ATG16L1: variants seen among roughly 807,000 people sequenced by gnomAD.
ATG16L1 encodes autophagy related 16 like 1, also known as autophagy-related protein 16-1.
In ATG16L1, 37 loss-of-function variants were observed where a neutral mutation model predicts 88.5. The observed-to-expected ratio is 0.42, with a 90% confidence interval of 0.32 to 0.55. The LOEUF is 0.55. ATG16L1 is among the 20% of genes least tolerant of loss of function. ATG16L1 has a pLI of 0.13. For missense variants in ATG16L1, 554 were observed against 752.8 expected (o/e 0.74, Z 3.09); for synonymous variants, 301 against 281.0 (o/e 1.07, Z -0.71).
chr2:233,274,909 G>C, intron 9 of ATG16L1, 131 bp downstream of exon 9: 1 of 594,720 alleles, frequency 1.7e-6, no homozygotes, highest in South Asian at 2.8e-5. Flanking sequence ...CCACCTTTTG[G>C]CTCTGTCAGC....
intron 8 of ATG16L1, chr2:233,274,070 C>T (rs777534666): frequency 1.9e-6 from 3 of 1,541,844 alleles, no homozygotes; most frequent in African/African-American, 2.7e-5. Flanking sequence ...CTTAGTCCAG[C>T]ATGTGAGTGT....
At chr2:233,258,001 C>CA (rs57141358) in intron 2 of ATG16L1, among the ~76,000 whole-genome samples, 10,143 of 88,676 alleles carry the variant, frequency 0.11, 570 homozygotes, top group South Asian at 0.2. Flanking sequence ...GACTCCGTCT[C>CA]AAAAAAAAAA....
At chr2:233,261,131 A>G (rs1697180711) in intron 2 of ATG16L1, among the ~76,000 whole-genome samples, 1 of 151,888 alleles carries the variant, frequency 6.6e-6, no homozygotes, top group African/African-American at 2.4e-5. Flanking sequence ...AATTTTTTGT[A>G]TTTTTAGTAG....
intron 2 of ATG16L1, among the ~76,000 whole-genome samples, chr2:233,262,448 A>G (rs1482335395): frequency 5.3e-5 from 8 of 152,118 alleles, no homozygotes; most frequent in African/African-American, 1.9e-4. Context: ...AAGGCTCTGC[A>G]TCATTTCCCC....
At chr2:233,263,886 C>A in intron 3 of ATG16L1, 106 bp from the exon 4 acceptor site, 1 of 1,113,080 alleles carries the variant, frequency 9.0e-7, no homozygotes, top group Non-Finnish European at 1.3e-6. Flanking sequence ...CTTGCTGTCA[C>A]CCAGCTCATT....
In ATG16L1 at chr2:233,273,032, A is replaced by G; in HGVS notation, c.774A>G (p.Arg258=). 6.2e-7 allele frequency: 1 copy of G among 1,614,096 alleles called. No homozygotes were observed. Among genetic ancestry groups the G allele is most frequent in the Non-Finnish European group, 8.5e-7 (1 of 1,179,956 alleles). ...SDHTEETSPV[R]AISRAATKRL... is the part of the protein sequence containing the mutation. The stretch of plus-strand genomic sequence containing the variant: ...ACACAGAAGAGACCTCTCCTGTGCG[A>G]GCCATCAGCAGAGCAGCCACGTAAG... Residue 258 remains arginine (R), a synonymous_variant, in exon 7 of 18, where the codon CGA becomes CGG. Transcript: ENST00000392017.
In ATG16L1 at chr2:233,294,667, T is replaced by G. The variant is rs1206865011; in HGVS notation, c.*317T>G. 3 of 209,798 alleles carry G rather than the reference T, an allele frequency of 1.4e-5. No individual in the cohort carries two copies. Among genetic ancestry groups the G allele is most frequent in the East Asian group, 2.2e-4 (2 of 9,238 alleles). The allele number at this position is 209,798 out of a possible 1,614,324, so 13.0% of individuals were successfully genotyped here. A position where few individuals can be genotyped will look rare whatever the true frequency, so the allele number is the denominator to read the frequency against. On this transcript the variant is annotated 3_prime_UTR_variant, in exon 18 of 18. Coordinates refer to ENST00000392017, the MANE Select transcript of ATG16L1 (RefSeq NM_030803.7). Reference sequence around the variant, plus strand: ...GGGGAGCACAGGGCCCCGCTGGGCCTCCTCACCAACGGCAGTGCCAAAATC... The same window carrying G: ...GGGGAGCACAGGGCCCCGCTGGGCCGCCTCACCAACGGCAGTGCCAAAATC...
intron 2 of ATG16L1, among the ~76,000 whole-genome samples, chr2:233,257,233 G>A (rs1158133563): frequency 6.6e-6 from 1 of 151,984 alleles, no homozygotes; most frequent in Non-Finnish European, 1.5e-5. Context: ...GTTTCACCGT[G>A]TTAGCCAGGA....
intron 17 of ATG16L1, among the ~76,000 whole-genome samples, chr2:233,293,593 G>A (rs1189194544): frequency 6.8e-6 from 1 of 145,990 alleles, no homozygotes; most frequent in Non-Finnish European, 1.5e-5. Flanking sequence ...CTGGAGAAAG[G>A]GTTATAGAAA....
intron 3 of ATG16L1, among the ~76,000 whole-genome samples, chr2:233,263,532 C>T (rs183611104): frequency 4.1e-4 from 62 of 152,236 alleles, no homozygotes; most frequent in African/African-American, 1.3e-3. Context: ...CTACCTGGTG[C>T]GCTGAAGGCC....
chr2:233,262,324 C>G (rs1296207200), intron 2 of ATG16L1, among the ~76,000 whole-genome samples: 1 of 152,236 alleles, frequency 6.6e-6, no homozygotes, highest in Non-Finnish European at 1.5e-5. Flanking sequence ...TGTTTCGGCC[C>G]TTACCCCACT....
Position 233,274,362 on chromosome 2 carries a change from T to G in ATG16L1, c.852-314T>G. On this transcript the variant is annotated intron_variant, in intron 8 of 17. Transcript: ENST00000392017. The stretch of plus-strand genomic sequence containing the variant: ...AGCTACCTCTGAGCTAGCTGTTACA[T>G]TAAGTTGAGAAAGTTTCCCAGCAGC... 6 of 443,656 alleles carry G rather than the reference T, an allele frequency of 1.4e-5. No homozygotes were observed. In the South Asian group the frequency reaches 2.5e-4, roughly 19 times the overall value. 27.5% of individuals were successfully genotyped at this position (443,656 alleles called of 1,614,324 possible). A position where few individuals can be genotyped will look rare whatever the true frequency, so the allele number is the denominator to read the frequency against.
intron 8 of ATG16L1, chr2:233,274,075 G>T: frequency 1.3e-6 from 2 of 1,535,790 alleles, no homozygotes; most frequent in South Asian, 1.2e-5. Flanking sequence ...TCCAGCATGT[G>T]AGTGTGGGTC....
intron 1 of ATG16L1, among the ~76,000 whole-genome samples, chr2:233,252,355 C>T (rs1696434238): frequency 6.6e-6 from 1 of 152,056 alleles, no homozygotes; most frequent in South Asian, 2.1e-4. Context: ...AACTTACTTC[C>T]CTTACTCCAC....
chr2:233,275,111 G>A (rs1698257661), intron 9 of ATG16L1, among the ~76,000 whole-genome samples: 1 of 152,210 alleles, frequency 6.6e-6, no homozygotes, highest in African/African-American at 2.4e-5. Flanking sequence ...AGTTTAGAGT[G>A]AGTTGCCAGT....
intron 2 of ATG16L1, among the ~76,000 whole-genome samples, chr2:233,257,895 C>T (rs1266290778): frequency 6.6e-6 from 1 of 151,904 alleles, no homozygotes; most frequent in African/African-American, 2.4e-5. Context: ...ATCCCAGCTA[C>T]CCGGGAGGTT....
intron 9 of ATG16L1, 84 bp from the exon 10 acceptor site, chr2:233,277,484 T>C: frequency 4.8e-6 from 6 of 1,262,624 alleles, no homozygotes; most frequent in Non-Finnish European, 5.8e-6. Context: ...TGTTTCCCCA[T>C]GAATTAGGCA....
At chr2:233,263,584 A>G (rs553352260) in intron 3 of ATG16L1, among the ~76,000 whole-genome samples, 81 of 152,326 alleles carry the variant, frequency 5.3e-4, no homozygotes, top group African/African-American at 1.9e-3. Flanking sequence ...AAACCCTGAA[A>G]TTTCAGAGAC....
At chr2:233,259,998 G>T (rs1471956713) in intron 2 of ATG16L1, among the ~76,000 whole-genome samples, 2 of 152,160 alleles carry the variant, frequency 1.3e-5, no homozygotes, top group Non-Finnish European at 2.9e-5. Context: ...GCTCTGAGGA[G>T]GAATAGAGTC....
Sources: gnomAD v4.1 joint callset for allele counts (sites outside exome capture counted in the v4.1 genomes callset) on GRCh38, gnomAD v4.1.1 for gene constraint, MANE v1.5 for transcripts, NCBI Gene and HGNC (gene_info 2026-07-23, HGNC 2026-07-21) for gene names.